PRR14L: variants seen among roughly 807,000 people sequenced by gnomAD.
PRR14L encodes the protein protein PRR14L.
In PRR14L, 80 loss-of-function variants were observed where a neutral mutation model predicts 155.0. The ratio of observed to expected loss-of-function variants is 0.52; its 90% confidence interval spans 0.43 to 0.62. PRR14L has a LOEUF of 0.62. Ranked by LOEUF, PRR14L falls within the 20% of genes least tolerant of loss-of-function variation. PRR14L has a pLI of 0.00. For synonymous variants in PRR14L, 883 were observed against 916.0 expected (o/e 0.96, Z 0.65); for missense variants, 2,469 against 2,548.0 (o/e 0.97, Z 0.67).
At position 31,682,257 on chromosome 22, in the gene PRR14L, C is replaced by T. The variant is rs895276871; in HGVS notation, c.*3270G>A. ...ATCTGGAATGGACCTCAGGTTGGCT[C>T]TGGAGCCCGTGCCAAAGACCCTTTC... is the stretch of plus-strand genomic sequence containing the variant. On this transcript the variant is annotated 3_prime_UTR_variant, in exon 9 of 9. Transcript: ENST00000327423. 1 of 152,214 alleles carries T rather than the reference C, an allele frequency of 6.6e-6. No homozygotes were observed. The highest frequency in any genetic ancestry group is 1.5e-5 in the Non-Finnish European group (1 of 68,066). The allele number at this position is 152,214 out of a possible 1,614,324, so 9.4% of individuals were successfully genotyped here.
At chr22:31,720,254 C>A (rs980977151) in intron 3 of PRR14L, among the ~76,000 whole-genome samples, 1 of 152,058 alleles carries the variant, frequency 6.6e-6, no homozygotes, top group Non-Finnish European at 1.5e-5. Flanking sequence ...CTAGACACAG[C>A]GTTTTAAAAT....
At chr22:31,744,072 T>C (rs2074825779) in intron 1 of PRR14L, among the ~76,000 whole-genome samples, 1 of 148,668 alleles carries the variant, frequency 6.7e-6, no homozygotes, top group Non-Finnish European at 1.5e-5. Context: ...GGCTGGAGTG[T>C]GGTGGTGCGA....
At chr22:31,691,077 C>T (rs1036587857) in intron 7 of PRR14L, among the ~76,000 whole-genome samples, 2 of 151,818 alleles carry the variant, frequency 1.3e-5, no homozygotes, top group African/African-American at 4.8e-5. Flanking sequence ...GATTCTCCTC[C>T]CTCAGCCTCC....
Position 31,701,647 on chromosome 22 carries a change from G to C in PRR14L, c.6107+9C>G, listed in dbSNP as rs1160666251. 4 of 1,575,714 alleles carry C rather than the reference G, an allele frequency of 2.5e-6. No homozygotes were observed. Among genetic ancestry groups the C allele is most frequent in the Non-Finnish European group, 3.5e-6 (4 of 1,156,144 alleles). The stretch of plus-strand genomic sequence containing the variant: ...AGTGAACCTAGCTTGTAACAGAGAA[G>C]GAGCTCACCTTTTGGGTCGAGGAAG... On this transcript the variant is annotated intron_variant, in intron 7 of 8. Coordinates refer to ENST00000327423, the MANE Select transcript of PRR14L (RefSeq NM_173566.3).
chr22:31,718,072 C>T lies in PRR14L; in HGVS notation c.548-781G>A, dbSNP rs1031958863. ...CCTCCTGAGTAGCTGGGATTACAGG[C>T]ACCCGCCACCATGCCCGCCTAATTT... is the stretch of plus-strand genomic sequence containing the variant. On this transcript the variant is annotated intron_variant, in intron 3 of 8. Transcript: ENST00000327423. 4.6e-5 allele frequency among the ~76,000 whole-genome samples: 7 copies of T among 151,714 alleles called. No homozygotes were observed. The South Asian group carries it at 1.5e-3, about 32-fold the overall frequency.
chr22:31,709,760 C>T (rs540964843), intron 4 of PRR14L, among the ~76,000 whole-genome samples: 12 of 151,098 alleles, frequency 7.9e-5, no homozygotes, highest in South Asian at 2.1e-4. Flanking sequence ...AGGCTGGTCT[C>T]GAACTCCTGA....
Position 31,738,845 on chromosome 22 carries a change from C to T in PRR14L, c.16G>A (p.Val6Ile), listed in dbSNP as rs1173029712. MLSSG[V>I]ETQPVPLDSS... ...TCAAGTGGAACTGGCTGAGTCTCTA[C>T]TCCAGATGACAGCATTAGGACAGAT... is the stretch of plus-strand genomic sequence containing the variant. The change falls in exon 2 of 9, where the codon GTA becomes ATA. Residue 6 changes from valine (V) to isoleucine (I), a missense_variant. Val to Ile is a conservative substitution (Grantham distance 29). This residue lies in a region of PRR14L where 2,363 missense variants were observed against 2,371.6 expected (regional missense o/e 1.00). Coordinates refer to ENST00000327423, the MANE Select transcript of PRR14L (RefSeq NM_173566.3). 1 of 1,541,194 alleles carries T rather than the reference C, an allele frequency of 6.5e-7. No individual in the cohort carries two copies.
intron 1 of PRR14L, among the ~76,000 whole-genome samples, chr22:31,744,795 G>A (rs190570391): frequency 1.9e-3 from 284 of 152,078 alleles, no homozygotes; most frequent in Non-Finnish European, 2.4e-3. Context: ...CTCCACATAC[G>A]GTCATACACA....
chr22:31,694,793 A>C (rs904916326), intron 7 of PRR14L, among the ~76,000 whole-genome samples: 1 of 149,676 alleles, frequency 6.7e-6, no homozygotes, highest in African/African-American at 2.5e-5. Flanking sequence ...AAAGAAAAAG[A>C]ATACAAAATT....
intron 1 of PRR14L, among the ~76,000 whole-genome samples, chr22:31,748,257 C>G (rs1248151546): frequency 6.6e-6 from 1 of 152,128 alleles, no homozygotes; most frequent in Non-Finnish European, 1.5e-5. Flanking sequence ...TCTTGAGAAA[C>G]AAAGAAAGAA....
At chr22:31,718,407 C>T (rs548306714) in intron 3 of PRR14L, among the ~76,000 whole-genome samples, 1 of 152,212 alleles carries the variant, frequency 6.6e-6, no homozygotes, top group East Asian at 1.9e-4. Flanking sequence ...AGACGCCCAC[C>T]ACCACACCTG....
chr22:31,746,524 C>A (rs529252364), intron 1 of PRR14L, among the ~76,000 whole-genome samples: 4 of 152,102 alleles, frequency 2.6e-5, no homozygotes, highest in Non-Finnish European at 5.9e-5. Context: ...GGTGAGGATA[C>A]CAGATAATTA....
At chr22:31,717,407 G>C (rs1418490850) in intron 3 of PRR14L, 116 bp from the exon 4 acceptor site, 1 of 800,496 alleles carries the variant, frequency 1.2e-6, no homozygotes, top group Non-Finnish European at 1.9e-6. Flanking sequence ...AACTCAAAAA[G>C]AAAACTGGAA....
Position 31,712,740 on chromosome 22 carries a change from A to G in PRR14L, c.5099T>C (p.Phe1700Ser), listed in dbSNP as rs2074630685. ...LYSLESIKMT[F>S]IDLSNKMPSL... is the part of the protein sequence containing the mutation. Reference sequence around the variant, plus strand: ...CGGCATCTTGTTGCTCAAATCTATGAAGGTCATCTTGATGGATTCGAGAGA... The same window carrying G: ...CGGCATCTTGTTGCTCAAATCTATGGAGGTCATCTTGATGGATTCGAGAGA... Residue 1700 changes from phenylalanine (F) to serine (S), a missense_variant, in exon 4 of 9, where the codon TTC (phenylalanine) becomes TCC (serine). Phe to Ser is a radical substitution (Grantham distance 155, BLOSUM62 -2). Transcript: ENST00000327423. The G allele has an allele frequency of 1.3e-6, 2 of 1,551,698 alleles. No individual in the cohort carries two copies. The highest frequency in any genetic ancestry group is 1.7e-6 in the Non-Finnish European group (2 of 1,147,036).
Position 31,692,833 on chromosome 22 carries a change from G to A in PRR14L, c.6108-4606C>T, listed in dbSNP as rs561107520. ...TTTTATTTTTATTTTTGTAGAGACA[G>A]GGTCTCATGCTGCCCGGGCTGGCCT... On this transcript the variant is annotated intron_variant, in intron 7 of 8. Coordinates refer to ENST00000327423, the MANE Select transcript of PRR14L (RefSeq NM_173566.3). 5.8e-4 allele frequency among the ~76,000 whole-genome samples: 88 copies of A among 151,844 alleles called. 1 individual carries two copies. In the South Asian group the frequency reaches 0.018, roughly 31 times the overall value.
Position 31,713,285 on chromosome 22 carries a change from T to G in PRR14L, c.4554A>C (p.Leu1518Phe), listed in dbSNP as rs548887920. The G allele has an allele frequency of 1.3e-5, 20 of 1,552,292 alleles. No homozygotes were observed. The highest frequency in any genetic ancestry group is 1.7e-5 in the Non-Finnish European group (19 of 1,147,120). ...TACAAGTTCGATGGGGCTGCTTCTT[T>G]AAGGGAAGAACTCCTTTCTTCGCAA... ...GAFAKKGVLP[L>F]KKQPHRTCKK... is the part of the protein sequence containing the mutation. The change falls in exon 4 of 9, where the codon TTA becomes TTC. Residue 1518 changes from leucine to phenylalanine, a missense_variant. Transcript: ENST00000327423.
chr22:31,712,584 G>T lies in PRR14L; in HGVS notation c.5255C>A (p.Ala1752Asp). 6.4e-7 allele frequency: 1 copy of T among 1,551,706 alleles called. No individual in the cohort carries two copies. Among genetic ancestry groups the T allele is most frequent in the Non-Finnish European group, 8.7e-7 (1 of 1,147,012 alleles). Residue 1752 changes from alanine (A) to aspartate (D), a missense_variant, in exon 4 of 9, where the codon GCC becomes GAC. Ala to Asp is a moderately radical substitution (Grantham distance 126, BLOSUM62 -2). This residue lies in a region of PRR14L where 2,363 missense variants were observed against 2,371.6 expected (regional missense o/e 1.00). Coordinates refer to ENST00000327423, the MANE Select transcript of PRR14L (RefSeq NM_173566.3). ...GGGAGGTTGAGACGGGCACTGGAGGGCCTCTCCTAAGGCAAGCCTTGCCGG... is the reference window on the plus strand; with the variant it reads ...GGGAGGTTGAGACGGGCACTGGAGGTCCTCTCCTAAGGCAAGCCTTGCCGG... ...CAPARLALGE[A>D]LQCPSQPPKW... is the part of the protein sequence containing the mutation.
chr22:31,729,515 C>G (rs1279637986), intron 2 of PRR14L, among the ~76,000 whole-genome samples: 1 of 152,164 alleles, frequency 6.6e-6, no homozygotes, highest in African/African-American at 2.4e-5. Flanking sequence ...CCACGCCCGG[C>G]CTAGTTACAA....
chr22:31,733,057 C>T (rs373955731), intron 2 of PRR14L, among the ~76,000 whole-genome samples: 2 of 149,716 alleles, frequency 1.3e-5, no homozygotes, highest in South Asian at 4.2e-4. Context: ...GGTGCAATCT[C>T]GGCTCACTAC....
Sources: allele counts gnomAD v4.1 joint callset (sites outside exome capture counted in the v4.1 genomes callset), GRCh38; gene constraint gnomAD v4.1.1; regional missense constraint gnomAD v4.1.1; transcripts MANE v1.5; gene names NCBI Gene and HGNC (gene_info 2026-07-23, HGNC 2026-07-21).